Variants in BACE2 observed in about 807,000 individuals in gnomAD.
The protein encoded by BACE2 is 56 kDa aspartic-like protease.
In BACE2, 17 loss-of-function variants were observed where a neutral mutation model predicts 46.2. The observed-to-expected ratio is 0.37, with a 90% CI of 0.25 to 0.55. The LOEUF is 0.55. Among genes scored for constraint, BACE2 ranks in the 20% least tolerant of loss-of-function variants. The pLI is 0.82. For synonymous variants in BACE2, 277 were observed against 295.9 expected, an observed-to-expected ratio of 0.94 and a Z score of 0.66; for missense variants, 595 against 698.1, an observed-to-expected ratio of 0.85 and a Z score of 1.66.
At chr21:41,234,215 G>A (rs1306215006) in intron 2 of BACE2, among the ~76,000 whole-genome samples, 1 of 152,118 alleles carries the variant, frequency 6.6e-6, no homozygotes, top group Non-Finnish European at 1.5e-5. Flanking sequence ...CCTTCCCCAT[G>A]TAAGACATGC....
At chr21:41,270,684 G>A (rs1186293334) in intron 8 of BACE2, among the ~76,000 whole-genome samples, 1 of 152,172 alleles carries the variant, frequency 6.6e-6, no homozygotes, top group Admixed American at 6.5e-5. Flanking sequence ...TAGTTTTTAT[G>A]AATTGAATCT....
At chr21:41,243,660 G>A in intron 5 of BACE2, 150 bp downstream of exon 5, 1 of 803,108 alleles carries the variant, frequency 1.2e-6, no homozygotes, top group Non-Finnish European at 1.8e-6. Flanking sequence ...TTGCTGTACA[G>A]TAAGTTGAAA....
At chr21:41,214,198 A>T (rs1037216708) in intron 1 of BACE2, among the ~76,000 whole-genome samples, 4 of 152,212 alleles carry the variant, frequency 2.6e-5, no homozygotes, top group Non-Finnish European at 4.4e-5. Context: ...GGTGCCAGGC[A>T]CTGGTACATG....
rs954960040 is a variant in BACE2, at chr21:41,260,791, G to A, written c.1303+3465G>A. Among the ~76,000 whole-genome samples the A allele has an allele frequency of 3.9e-5, 6 of 152,188 alleles. No individual in the cohort carries two copies. The South Asian group carries it at 6.2e-4, about 16-fold the overall frequency. On this transcript the variant is annotated intron_variant, in intron 8 of 8. Coordinates refer to ENST00000330333, the MANE Select transcript of BACE2 (RefSeq NM_012105.5). ...ACCCTGATATGATGTGGGAGGGGAC[G>A]ACGCAGGTAAATGCCAGGAGTCATC...
intron 2 of BACE2, among the ~76,000 whole-genome samples, chr21:41,227,099 C>T (rs1986841482): frequency 6.6e-6 from 1 of 152,334 alleles, no homozygotes; most frequent in African/African-American, 2.4e-5. Context: ...CTAGAGTCAC[C>T]GCCCTCTGTG....
In BACE2 at chr21:41,250,724, G is replaced by C. The variant is rs199579152; in HGVS notation, c.985-28G>C. ...CTGTTGACGTGCCAGACTAGTCATG[G>C]TTTCTGATGTGATCTTGTTTTGTCT... On this transcript the variant is annotated intron_variant, in intron 6 of 8. Coordinates refer to ENST00000330333, the MANE Select transcript of BACE2 (RefSeq NM_012105.5). 61 of 1,612,804 alleles carry C rather than the reference G, an allele frequency of 3.8e-5. No homozygotes were observed. In the African/African-American group the frequency reaches 8.0e-4, roughly 21 times the overall value.
intron 1 of BACE2, among the ~76,000 whole-genome samples, chr21:41,211,946 T>G (rs1379230459): frequency 1.4e-4 from 21 of 152,244 alleles, no homozygotes. Context: ...CTGTTTAGGT[T>G]TCATCCAGGT....
At chr21:41,243,821 G>A (rs1455772115) in intron 5 of BACE2, among the ~76,000 whole-genome samples, 3 of 152,204 alleles carry the variant, frequency 2.0e-5, no homozygotes, top group Non-Finnish European at 4.4e-5. Flanking sequence ...TGGTCCCTAA[G>A]CTCAGTTTAA....
intron 1 of BACE2, among the ~76,000 whole-genome samples, chr21:41,222,595 C>T (rs1255831039): frequency 6.6e-6 from 1 of 152,188 alleles, no homozygotes; most frequent in Non-Finnish European, 1.5e-5. Context: ...GTGAGGACTT[C>T]GCCAGTTACT....
chr21:41,210,483 G>A (rs192236011), intron 1 of BACE2, among the ~76,000 whole-genome samples: 58 of 152,292 alleles, frequency 3.8e-4, no homozygotes, highest in African/African-American at 1.3e-3. Context: ...CTTAGAGAAC[G>A]GATTCTGTTC....
chr21:41,183,242 A>G (rs1413682315), intron 1 of BACE2: 1 of 166,396 alleles, frequency 6.0e-6, no homozygotes, highest in Non-Finnish European at 1.5e-5. Context: ...TTTAAAGCCT[A>G]TGAACATCAG....
rs567516752 is a variant in BACE2, at chr21:41,193,171, C to T, written c.312+24596C>T. Among the ~76,000 whole-genome samples, 60 of 152,186 alleles carry T rather than the reference C, an allele frequency of 3.9e-4. No homozygotes were observed. The Middle Eastern group carries it at 0.01, about 26-fold the overall frequency. ...TCCAAATAAGATTATGACATAAAGC[C>T]GGAGAGTTTACTGTCCTACCCCTGA... On this transcript the variant is annotated intron_variant, in intron 1 of 8. Transcript: ENST00000330333. This position sits in a 1 kb window ranked among gnomAD's most constrained non-coding sequence, Gnocchi z 4.2.
intron 8 of BACE2, among the ~76,000 whole-genome samples, chr21:41,259,000 A>G (rs1195288188): frequency 1.3e-5 from 2 of 152,208 alleles, no homozygotes; most frequent in African/African-American, 4.8e-5. Flanking sequence ...AAGAGAATCT[A>G]AGAACTTAGG....
At chr21:41,274,336 C>T (rs2088462963) in intron 8 of BACE2, among the ~76,000 whole-genome samples, 1 of 152,072 alleles carries the variant, frequency 6.6e-6, no homozygotes, top group Non-Finnish European at 1.5e-5. Context: ...GTCATTATCG[C>T]ATTGTTATTT....
chr21:41,193,507 C>G lies in BACE2; in HGVS notation c.312+24932C>G. On this transcript the variant is annotated intron_variant, in intron 1 of 8. Coordinates refer to ENST00000330333, the MANE Select transcript of BACE2 (RefSeq NM_012105.5). The surrounding 1 kb of genome is among the most constrained non-coding windows in gnomAD (Gnocchi z 4.2). ...ATCACCACCCCTGCATCCTTCAAGT[C>G]CTTGATGGTGGCACTAATCTCCACA... is the stretch of plus-strand genomic sequence containing the variant. Among the ~76,000 whole-genome samples the G allele has an allele frequency of 6.6e-6, 1 of 152,310 alleles. No individual in the cohort carries two copies. The highest frequency in any genetic ancestry group is 1.9e-4 in the East Asian group (1 of 5,182).
At chr21:41,202,396 A>G (rs1280965910) in intron 1 of BACE2, among the ~76,000 whole-genome samples, 1 of 152,220 alleles carries the variant, frequency 6.6e-6, no homozygotes, top group Non-Finnish European at 1.5e-5. Context: ...CCTAGGCAGG[A>G]AACATTCTAC....
intron 1 of BACE2, among the ~76,000 whole-genome samples, chr21:41,205,479 T>C (rs1365467849): frequency 6.6e-6 from 1 of 152,206 alleles, no homozygotes; most frequent in Non-Finnish European, 1.5e-5. Flanking sequence ...GCAGGTCAGT[T>C]TTAAATACAA....
chr21:41,254,623 C>T (rs1226265803), intron 7 of BACE2, among the ~76,000 whole-genome samples: 1 of 152,196 alleles, frequency 6.6e-6, no homozygotes, highest in African/African-American at 2.4e-5. Flanking sequence ...TATCCAAAAG[C>T]CAAGAAATTG....
rs376716078 is a variant in BACE2 at position 41,253,983 on chromosome 21, G to A, written c.1134+3082G>A. 2.9e-4 allele frequency among the ~76,000 whole-genome samples: 44 copies of A among 152,188 alleles called. 1 individual carries two copies. The East Asian group carries it at 4.1e-3, about 14-fold the overall frequency. On this transcript the variant is annotated intron_variant, in intron 7 of 8. Transcript: ENST00000330333. The stretch of plus-strand genomic sequence containing the variant: ...AAGATCACCTGGTGAGACCCCACAC[G>A]CTCCATGTTTCCCAGCAGAAAGGCT...
Sources: allele counts gnomAD v4.1 joint callset (sites outside exome capture counted in the v4.1 genomes callset), GRCh38; gene constraint gnomAD v4.1.1; non-coding constraint Gnocchi (gnomAD v3.1); transcripts MANE v1.5; gene names NCBI Gene and HGNC (gene_info 2026-07-23, HGNC 2026-07-21).